FYN: variants seen among roughly 807,000 people sequenced by gnomAD.
FYN encodes the protein FYN proto-oncogene, Src family tyrosine kinase.
FYN carries 10 observed loss-of-function variants against 70.2 expected under a neutral mutation model. The observed-to-expected ratio is 0.14, with a 90% CI of 0.09 to 0.24. FYN has a LOEUF of 0.24. Ranked by LOEUF, FYN falls within the 10% of genes least tolerant of loss-of-function variation. The pLI is 1.00. For missense variants in FYN, 319 were observed against 673.1 expected (o/e 0.47, Z 5.82); for synonymous variants, 236 against 248.6 (o/e 0.95, Z 0.48).
At chr6:111,827,796 G>A (rs757964281) in intron 2 of FYN, among the ~76,000 whole-genome samples, 9 of 152,082 alleles carry the variant, frequency 5.9e-5, no homozygotes, top group Non-Finnish European at 1.2e-4. Flanking sequence ...CCCTGCTGAG[G>A]AGCCCATTTA....
intron 13 of FYN, among the ~76,000 whole-genome samples, chr6:111,666,528 G>A (rs928749419): frequency 6.6e-6 from 1 of 152,186 alleles, no homozygotes; most frequent in Non-Finnish European, 1.5e-5. Flanking sequence ...GGCCATTGTG[G>A]TGGGTCACTT....
intron 2 of FYN, among the ~76,000 whole-genome samples, chr6:111,821,955 G>A (rs1214825677): frequency 2.9e-5 from 4 of 137,934 alleles, no homozygotes; most frequent in Non-Finnish European, 5.9e-5. Flanking sequence ...AGTCAGAATG[G>A]TGATCATTAA....
chr6:111,664,682 C>A (rs1226834289), intron 13 of FYN, among the ~76,000 whole-genome samples: 1 of 152,162 alleles, frequency 6.6e-6, no homozygotes, highest in Non-Finnish European at 1.5e-5. Flanking sequence ...GGCAGACCCA[C>A]ATGGTCAGGC....
chr6:111,861,067 T>C (rs955004367), intron 1 of FYN, among the ~76,000 whole-genome samples: 3 of 152,208 alleles, frequency 2.0e-5, no homozygotes, highest in African/African-American at 7.2e-5. Context: ...GATCCATCAG[T>C]GCAGAGGACC....
At chr6:111,770,717 G>T (rs1803412400) in intron 3 of FYN, among the ~76,000 whole-genome samples, 1 of 152,094 alleles carries the variant, frequency 6.6e-6, no homozygotes, top group Non-Finnish European at 1.5e-5. Flanking sequence ...TTCTCAGGAG[G>T]GCCATGTGCT....
chr6:111,711,740 G>A (rs527660036), intron 5 of FYN, among the ~76,000 whole-genome samples: 243 of 152,316 alleles, frequency 1.6e-3, no homozygotes, highest in Middle Eastern at 3.4e-3. Context: ...GGATGGGGGA[G>A]GGGAGGAGCC....
chr6:111,668,201 G>A (rs947279887), intron 13 of FYN, among the ~76,000 whole-genome samples: 1 of 152,204 alleles, frequency 6.6e-6, no homozygotes, highest in African/African-American at 2.4e-5. Context: ...CCTTGCTATC[G>A]TACTGGTTAA....
At chr6:111,707,727 A>G (rs1800162295) in intron 6 of FYN, among the ~76,000 whole-genome samples, 195 bp downstream of exon 6, 1 of 152,238 alleles carries the variant, frequency 6.6e-6, no homozygotes, top group South Asian at 2.1e-4. Context: ...ATAAGTGAGC[A>G]GGCTTCAAGA....
intron 1 of FYN, among the ~76,000 whole-genome samples, chr6:111,855,509 T>C (rs1773801099): frequency 6.6e-6 from 1 of 152,210 alleles, no homozygotes; most frequent in South Asian, 2.1e-4. Flanking sequence ...AATTAACTAA[T>C]AGTTATATAT....
chr6:111,714,874 C>G (rs1448226910), intron 4 of FYN, among the ~76,000 whole-genome samples: 1 of 152,178 alleles, frequency 6.6e-6, no homozygotes, highest in Admixed American at 6.5e-5. Context: ...ACCCTTTCTC[C>G]TGGTAAAACA....
chr6:111,728,935 A>G (rs1285181307), intron 3 of FYN, among the ~76,000 whole-genome samples: 1 of 152,234 alleles, frequency 6.6e-6, no homozygotes, highest in Non-Finnish European at 1.5e-5. Context: ...GCAACAAAAA[A>G]AGGAAAAACA....
intron 9 of FYN, chr6:111,699,562 C>T (rs2128442016): frequency 6.2e-7 from 1 of 1,614,164 alleles, no homozygotes; most frequent in Non-Finnish European, 8.5e-7. Flanking sequence ...CTTCTCCAGA[C>T]ACAACGAACG....
intron 2 of FYN, among the ~76,000 whole-genome samples, chr6:111,829,364 T>C (rs1005701721): frequency 6.6e-6 from 1 of 152,196 alleles, no homozygotes; most frequent in South Asian, 2.1e-4. Context: ...CACCGGTCTG[T>C]AGTAAAATCT....
chr6:111,783,806 C>A (rs1280985779), intron 2 of FYN, among the ~76,000 whole-genome samples: 1 of 152,212 alleles, frequency 6.6e-6, no homozygotes, highest in Non-Finnish European at 1.5e-5. Context: ...GGGGGCGGGA[C>A]AGTCCAAGGT....
At chr6:111,844,929 T>A (rs948984772) in intron 2 of FYN, 1 of 152,266 alleles carries the variant, frequency 6.6e-6, no homozygotes, top group African/African-American at 2.4e-5. Context: ...GGGACCACTT[T>A]ACTGATAAGA....
intron 2 of FYN, among the ~76,000 whole-genome samples, chr6:111,808,862 A>C (rs1772236559): frequency 6.6e-6 from 1 of 152,236 alleles, no homozygotes; most frequent in Non-Finnish European, 1.5e-5. Flanking sequence ...GAAGTCGTTC[A>C]ACAATAAATT....
chr6:111,694,824 TG>T lies in FYN; in HGVS notation c.1043-121del, dbSNP rs1402686446. ...GTCAAATGGAATAATGCCATCCACA[TG>T]GGGGGACAAAAAGGTTTATATAAAA... On this transcript the variant is annotated intron_variant, in intron 10 of 13. Transcript: ENST00000354650. The surrounding 1 kb of genome is among the most constrained non-coding windows in gnomAD (Gnocchi z 5.0). 2.3e-5 allele frequency: 18 copies of T among 793,016 alleles called. No homozygotes were observed. The Admixed American group carries it at 4.3e-4, about 19-fold the overall frequency. The allele number at this position is 793,016 out of a possible 1,614,324, so 49.1% of individuals were successfully genotyped here.
chr6:111,789,565 G>C lies in FYN; in HGVS notation c.-81-8930C>G, dbSNP rs531579861. 4.6e-5 allele frequency among the ~76,000 whole-genome samples: 7 copies of C among 152,250 alleles called. No homozygotes were observed. The South Asian group carries it at 1.5e-3, about 32-fold the overall frequency. Reference sequence around the variant, plus strand: ...ATTGGAATAATCAGTTGACTATCTGGAGGAAAAAACAACAATTCTGCTTCT... The same window carrying C: ...ATTGGAATAATCAGTTGACTATCTGCAGGAAAAAACAACAATTCTGCTTCT... On this transcript the variant is annotated intron_variant, in intron 2 of 13. Coordinates refer to ENST00000354650, the MANE Select transcript of FYN (RefSeq NM_002037.5).
At chr6:111,789,071 T>C (rs545457019) in intron 2 of FYN, among the ~76,000 whole-genome samples, 1 of 151,914 alleles carries the variant, frequency 6.6e-6, no homozygotes, top group East Asian at 1.9e-4. Flanking sequence ...GAGAGATGAA[T>C]AGAAAAAGAG....
Sources: gnomAD v4.1 joint callset for allele counts (sites outside exome capture counted in the v4.1 genomes callset) on GRCh38, gnomAD v4.1.1 for gene constraint, Gnocchi (gnomAD v3.1) non-coding constraint, MANE v1.5 for transcripts, NCBI Gene and HGNC (gene_info 2026-07-23, HGNC 2026-07-21) for gene names.